The following RPGRIP1L variants were observed in gnomAD, a reference collection of about 807,000 sequenced individuals.
RPGRIP1L encodes the protein protein fantom.
In RPGRIP1L, 131 loss-of-function variants were observed where a neutral mutation model predicts 160.4. The ratio of observed to expected loss-of-function variants is 0.82; its 90% confidence interval spans 0.71 to 0.94. RPGRIP1L has a LOEUF of 0.94. Ranked by LOEUF, RPGRIP1L falls within the 40% of genes least tolerant of loss-of-function variation. The pLI is 0.00. For missense variants in RPGRIP1L, 1,522 were observed against 1,535.8 expected, an observed-to-expected ratio of 0.99 and a Z score of 0.15; for synonymous variants, 510 against 515.8, an observed-to-expected ratio of 0.99 and a Z score of 0.15.
chr16:53,629,537 C>A (rs1965382842), intron 22 of RPGRIP1L, among the ~76,000 whole-genome samples: 1 of 152,124 alleles, frequency 6.6e-6, no homozygotes, highest in Non-Finnish European at 1.5e-5. Context: ...CTTCTAACAT[C>A]TTTATAGAAA....
At chr16:53,663,221 T>TA (rs1187207103) in intron 10 of RPGRIP1L, among the ~76,000 whole-genome samples, 1 of 150,514 alleles carries the variant, frequency 6.6e-6, no homozygotes, top group Non-Finnish European at 1.5e-5. Flanking sequence ...AAAAAGCCAC[T>TA]AAAAAAGATG....
intron 24 of RPGRIP1L, 151 bp from the exon 25 acceptor site, chr16:53,611,202 A>C: frequency 1.5e-6 from 1 of 655,680 alleles, no homozygotes; most frequent in Non-Finnish European, 2.7e-6. Context: ...AGCTCCAGAA[A>C]CCAGAATCAA....
Position 53,601,206 on chromosome 16 carries a change from A to G in RPGRIP1L, c.*870T>C, listed in dbSNP as rs554975659. 2 of 152,750 alleles carry G rather than the reference A, an allele frequency of 1.3e-5. No individual in the cohort carries two copies. Among genetic ancestry groups the G allele is most frequent in the South Asian group, 4.1e-4 (2 of 4,820 alleles). The allele number at this position is 152,750 out of a possible 1,614,324, so 9.5% of individuals were successfully genotyped here. A position where few individuals can be genotyped will look rare whatever the true frequency, so the allele number is the denominator to read the frequency against. ...CTGGCACTGTACTGGCTTGATGTAA[A>G]TTTAAAAAATGATAAAAAGATACTC... is the stretch of plus-strand genomic sequence containing the variant. On this transcript the variant is annotated 3_prime_UTR_variant, in exon 27 of 27. Transcript: ENST00000647211.
chr16:53,679,398 G>T (rs768004218), intron 6 of RPGRIP1L, among the ~76,000 whole-genome samples: 3 of 151,884 alleles, frequency 2.0e-5, no homozygotes, highest in Non-Finnish European at 4.4e-5. Context: ...ATGGGAATCT[G>T]ATTTTTTTTT....
intron 24 of RPGRIP1L, among the ~76,000 whole-genome samples, chr16:53,618,618 A>T (rs1458251684): frequency 6.6e-6 from 1 of 152,190 alleles, no homozygotes; most frequent in Admixed American, 6.5e-5. Flanking sequence ...ATCAGAGCTC[A>T]CTGCAGGCTC....
rs1464571466 is a variant in RPGRIP1L, at chr16:53,642,064, C to T, written c.2684-589G>A. Among the ~76,000 whole-genome samples, 7 of 152,146 alleles carry T rather than the reference C, an allele frequency of 4.6e-5. No individual in the cohort carries two copies. In the East Asian group the frequency reaches 1.3e-3, roughly 29 times the overall value. On this transcript the variant is annotated intron_variant, in intron 17 of 26. Transcript: ENST00000647211. ...GCCCATAAAATAAATGGACCATCTA[C>T]AACAAATAGCAGTAACAAAAGAAAC... is the stretch of plus-strand genomic sequence containing the variant.
At chr16:53,605,841 T>G (rs780767487) in intron 25 of RPGRIP1L, among the ~76,000 whole-genome samples, 1 of 152,238 alleles carries the variant, frequency 6.6e-6, no homozygotes, top group Non-Finnish European at 1.5e-5. Context: ...AAGCACTGAT[T>G]AACATTTATC....
At position 53,600,639 on chromosome 16, in the gene RPGRIP1L, T is replaced by A. The variant is rs1164263052; in HGVS notation, c.*1437A>T. ...ATTAGAGCACAGATGGTTCAAACTA[T>A]ATGCAGATATTCATACTTGCATTTT... On this transcript the variant is annotated 3_prime_UTR_variant, in exon 27 of 27. Transcript: ENST00000647211. 6.5e-6 allele frequency: 1 copy of A among 152,672 alleles called. No individual in the cohort carries two copies. The highest frequency in any genetic ancestry group is 2.4e-5 in the African/African-American group (1 of 41,468). The allele number at this position is 152,672 out of a possible 1,614,324, so 9.5% of individuals were successfully genotyped here.
In RPGRIP1L at chr16:53,673,017, C is replaced by T; in HGVS notation, c.883-1G>A. The T allele has an allele frequency of 6.2e-7, 1 of 1,611,842 alleles. No individual in the cohort carries two copies. Among genetic ancestry groups the T allele is most frequent in the Non-Finnish European group, 8.5e-7 (1 of 1,178,958 alleles). The stretch of plus-strand genomic sequence containing the variant: ...GGCTGATTCTGAGAGTTCTTTGCTT[C>T]TAAAAGATAAAAAGAACATCTTTCA... On this transcript the variant is annotated splice_acceptor_variant, in intron 7 of 26. Transcript: ENST00000647211. LOFTEE classifies it high-confidence loss of function.
chr16:53,662,704 A>G (rs1347022955), intron 10 of RPGRIP1L, among the ~76,000 whole-genome samples: 1 of 152,098 alleles, frequency 6.6e-6, no homozygotes, highest in African/African-American at 2.4e-5. Flanking sequence ...CCATTGTAAC[A>G]TTCCCACAAA....
At chr16:53,697,306 T>C (rs1382771637) in intron 2 of RPGRIP1L, among the ~76,000 whole-genome samples, 1 of 148,618 alleles carries the variant, frequency 6.7e-6, no homozygotes, top group Non-Finnish European at 1.5e-5. Flanking sequence ...ATGAAAAGTT[T>C]ATCAATCTCC....
At chr16:53,611,220 T>C (rs1964013971) in intron 24 of RPGRIP1L, among the ~76,000 whole-genome samples, 169 bp from the exon 25 acceptor site, 1 of 152,162 alleles carries the variant, frequency 6.6e-6, no homozygotes, top group Non-Finnish European at 1.5e-5. Flanking sequence ...CAAATCTGAG[T>C]AGTCATGTGA....
chr16:53,658,036 A>C (rs1240390266), intron 12 of RPGRIP1L, among the ~76,000 whole-genome samples: 1 of 152,176 alleles, frequency 6.6e-6, no homozygotes, highest in African/African-American at 2.4e-5. Flanking sequence ...AGATATTTAT[A>C]ATTCAATATT....
intron 14 of RPGRIP1L, among the ~76,000 whole-genome samples, chr16:53,655,325 CAAATT>C (rs989245956): frequency 6.6e-6 from 1 of 151,920 alleles, no homozygotes; most frequent in African/African-American, 2.4e-5. Flanking sequence ...ATTATTTTAA[CAAATT>C]AAAAATATTT....
intron 15 of RPGRIP1L, among the ~76,000 whole-genome samples, chr16:53,650,895 C>T (rs1966847601): frequency 2.0e-5 from 3 of 152,082 alleles, no homozygotes; most frequent in African/African-American, 7.2e-5. Context: ...TTGGAGTTTC[C>T]CAAGGCTTGG....
At chr16:53,657,884 A>C (rs1967401378) in intron 12 of RPGRIP1L, among the ~76,000 whole-genome samples, 1 of 152,164 alleles carries the variant, frequency 6.6e-6, no homozygotes, top group African/African-American at 2.4e-5. Flanking sequence ...AAATCAAAAA[A>C]TAGTTACTTT....
chr16:53,700,498 C>T (rs1015786107), intron 2 of RPGRIP1L, 141 bp downstream of exon 2: 2 of 724,946 alleles, frequency 2.8e-6, no homozygotes, highest in Admixed American at 4.2e-5. Flanking sequence ...GTGTTCTAAA[C>T]TCTCCATCTT....
intron 24 of RPGRIP1L, among the ~76,000 whole-genome samples, chr16:53,615,472 A>ATATTT (rs1343321461): frequency 2.7e-5 from 2 of 75,054 alleles, no homozygotes; most frequent in African/African-American, 1.1e-4. Context: ...ATATATATAT[A>ATATTT]TTTTTTTTTT....
chr16:53,676,628 T>C (rs1969195261), intron 6 of RPGRIP1L, among the ~76,000 whole-genome samples: 1 of 152,068 alleles, frequency 6.6e-6, no homozygotes, highest in African/African-American at 2.4e-5. Context: ...TAAAGTATGA[T>C]AATTTATTTA....
Sources: allele counts gnomAD v4.1 joint callset (sites outside exome capture counted in the v4.1 genomes callset), GRCh38; gene constraint gnomAD v4.1.1; transcripts MANE v1.5; gene names NCBI Gene and HGNC (gene_info 2026-07-23, HGNC 2026-07-21).